PI4KA: variants seen among roughly 807,000 people sequenced by gnomAD.
The protein encoded by PI4KA is PI4-kinase alpha.
In PI4KA, 122 loss-of-function variants were observed where a neutral mutation model predicts 271.4. The observed-to-expected ratio is 0.45, with a 90% CI of 0.39 to 0.52. The LOEUF (loss-of-function observed/expected upper bound fraction) is 0.52, where lower values mean the gene tolerates loss of function less well. Ranked by LOEUF, PI4KA falls within the 20% of genes least tolerant of loss-of-function variation. The pLI is 0.00. For missense variants in PI4KA, 1,969 were observed against 2,769.1 expected, an observed-to-expected ratio of 0.71 and a Z score of 6.48; for synonymous variants, 1,041 against 1,078.8, an observed-to-expected ratio of 0.96 and a Z score of 0.69.
intron 19 of PI4KA, chr22:20,787,854 C>G (rs562403510): frequency 1.3e-5 from 2 of 154,606 alleles, no homozygotes; most frequent in East Asian, 3.8e-4. Flanking sequence ...AGGGCATGTT[C>G]TCAGGACAGG....
chr22:20,778,876 C>T (rs1933517168), intron 19 of PI4KA, among the ~76,000 whole-genome samples: 1 of 152,154 alleles, frequency 6.6e-6, no homozygotes, highest in African/African-American at 2.4e-5. Context: ...AGAGCCTTCG[C>T]TTTACTGCAC....
At chr22:20,720,041 A>C (rs957552267) in intron 43 of PI4KA, among the ~76,000 whole-genome samples, 5 of 150,706 alleles carry the variant, frequency 3.3e-5, no homozygotes, top group East Asian at 2.0e-4. Flanking sequence ...AAAAAAAAAA[A>C]AAAAAAAAAA....
In PI4KA at chr22:20,752,885, G is replaced by C. The variant is rs1478214023; in HGVS notation, c.2987+18C>G. 1 of 1,611,970 alleles carries C rather than the reference G, an allele frequency of 6.2e-7. No homozygotes were observed. Among genetic ancestry groups the C allele is most frequent in the South Asian group, 1.1e-5 (1 of 91,024 alleles). On this transcript the variant is annotated intron_variant, in intron 25 of 54. Coordinates refer to ENST00000255882, the MANE Select transcript of PI4KA (RefSeq NM_058004.4). ...TTATATACATACACACAAAACATTA[G>C]CAGGAAAATGAGCTTACTTATCCAC... is the stretch of plus-strand genomic sequence containing the variant.
intron 5 of PI4KA, 43 bp from the exon 6 acceptor site, chr22:20,819,943 T>G: frequency 6.5e-7 from 1 of 1,537,726 alleles, no homozygotes. Flanking sequence ...GAAAGTATCC[T>G]GATAGAGTCA....
intron 2 of PI4KA, 114 bp downstream of exon 2, chr22:20,838,501 G>T: frequency 1.5e-6 from 1 of 681,646 alleles, no homozygotes. Flanking sequence ...ACTTTGATTA[G>T]GTTCAAATGT....
intron 3 of PI4KA, among the ~76,000 whole-genome samples, chr22:20,832,619 A>G (rs999271192): frequency 4.0e-5 from 6 of 151,670 alleles, no homozygotes; most frequent in Admixed American, 2.0e-4. Flanking sequence ...ACACCTGGCT[A>G]ATTTTTTGTA....
chr22:20,765,399 G>A (rs1343211218), intron 20 of PI4KA, among the ~76,000 whole-genome samples, 163 bp from the exon 21 acceptor site: 1 of 152,182 alleles, frequency 6.6e-6, no homozygotes, highest in Non-Finnish European at 1.5e-5. Context: ...TTTTCCTAAG[G>A]TGTATGGCAT....
At chr22:20,781,745 T>C (rs548199170) in intron 19 of PI4KA, among the ~76,000 whole-genome samples, 4 of 152,364 alleles carry the variant, frequency 2.6e-5, no homozygotes, top group African/African-American at 7.2e-5. Context: ...TGAACACACA[T>C]ATCCTTTTCA....
At chr22:20,835,473 C>G (rs527838634) in intron 2 of PI4KA, among the ~76,000 whole-genome samples, 1 of 151,968 alleles carries the variant, frequency 6.6e-6, no homozygotes, top group Admixed American at 6.6e-5. Context: ...GGCTCACACC[C>G]GTAATCCCAG....
intron 19 of PI4KA, chr22:20,787,741 T>G (rs1455034419): frequency 6.5e-6 from 1 of 154,356 alleles, no homozygotes; most frequent in African/African-American, 2.4e-5. Context: ...AATTCTCTAT[T>G]TTTTGAAGCT....
At chr22:20,716,706 C>T (rs1479681876) in intron 45 of PI4KA, among the ~76,000 whole-genome samples, 1 of 152,156 alleles carries the variant, frequency 6.6e-6, no homozygotes, top group Non-Finnish European at 1.5e-5. Flanking sequence ...ATGCCCCCTG[C>T]AGTACAATGC....
Position 20,799,117 on chromosome 22 carries a change from C to T in PI4KA, c.1980G>A (p.Leu660=). ...CATTTCCGGTGATAACCAGGCAGCC[C>T]AGCTGGTCAATAATCAGCACATCGA... The part of the protein sequence containing the change: ...SPLDVLIIDQ[L]GCLVITGNQY... Residue 660 remains leucine (L), a synonymous_variant, in exon 16 of 55, where the codon CTG becomes CTA. Coordinates refer to ENST00000255882, the MANE Select transcript of PI4KA (RefSeq NM_058004.4). 6.2e-7 allele frequency: 1 copy of T among 1,613,588 alleles called. No homozygotes were observed. Among genetic ancestry groups the T allele is most frequent in the Non-Finnish European group, 8.5e-7 (1 of 1,179,842 alleles).
intron 13 of PI4KA, among the ~76,000 whole-genome samples, chr22:20,802,901 G>A (rs1280747204): frequency 6.6e-6 from 1 of 152,154 alleles, no homozygotes; most frequent in Non-Finnish European, 1.5e-5. Flanking sequence ...GCAGGGACTG[G>A]GCCCCTGGCT....
chr22:20,714,496 T>G lies in PI4KA; in HGVS notation c.5423A>C (p.Lys1808Thr). 1 of 1,613,626 alleles carries G rather than the reference T, an allele frequency of 6.2e-7. No individual in the cohort carries two copies. The highest frequency in any genetic ancestry group is 8.5e-7 in the Non-Finnish European group (1 of 1,179,638). Residue 1808 changes from lysine to threonine, a missense_variant, in exon 47 of 55, where the codon AAG becomes ACG. By Grantham distance (78) the Lys-to-Thr change is moderately conservative. This residue lies in a region of PI4KA where 388 missense variants were observed against 521.5 expected (regional missense o/e 0.74). Coordinates refer to ENST00000255882, the MANE Select transcript of PI4KA (RefSeq NM_058004.4). The stretch of plus-strand genomic sequence containing the variant: ...TTCACTAACTCCACATCGCTTCACC[T>G]TGAACTTGGCCAGATATGGGGCTTT... ...AAKAPYLAKF[K>T]VKRCGVSELE...
At chr22:20,812,442 C>T (rs1921169661) in intron 8 of PI4KA, among the ~76,000 whole-genome samples, 1 of 152,200 alleles carries the variant, frequency 6.6e-6, no homozygotes, top group African/African-American at 2.4e-5. Flanking sequence ...ATTTCCAAGA[C>T]AGCAAGCCCA....
intron 19 of PI4KA, among the ~76,000 whole-genome samples, chr22:20,778,809 A>G (rs889151846): frequency 1.3e-5 from 2 of 152,028 alleles, no homozygotes; most frequent in Admixed American, 6.6e-5. Context: ...CTCCTACCAC[A>G]CAGGGTAGAG....
chr22:20,799,933 G>T (rs138369492), intron 14 of PI4KA, among the ~76,000 whole-genome samples, 167 bp from the exon 15 acceptor site: 1 of 152,158 alleles, frequency 6.6e-6, no homozygotes, highest in Non-Finnish European at 1.5e-5. Flanking sequence ...AATTACTCCA[G>T]ATTTTGCCCA....
At chr22:20,727,151 T>TG (rs1927450942) in intron 41 of PI4KA, 79 bp downstream of exon 41, 1 of 1,345,436 alleles carries the variant, frequency 7.4e-7, no homozygotes, top group Non-Finnish European at 1.0e-6. Flanking sequence ...TGGCCAATGG[T>TG]GGGGCCTGTG....
chr22:20,713,447 G>T (rs1298296109), intron 47 of PI4KA, 57 bp from the exon 48 acceptor site: 2 of 1,348,544 alleles, frequency 1.5e-6, no homozygotes, highest in African/African-American at 2.9e-5. Flanking sequence ...GCCCTCTGAG[G>T]GGGCCAGGGA....
Sources: gnomAD v4.1 joint callset for allele counts (sites outside exome capture counted in the v4.1 genomes callset) on GRCh38, gnomAD v4.1.1 for gene constraint, gnomAD v4.1.1 regional missense constraint, MANE v1.5 for transcripts, NCBI Gene and HGNC (gene_info 2026-07-23, HGNC 2026-07-21) for gene names.